Variants in MAPK8IP3 observed in about 807,000 individuals in gnomAD.
MAPK8IP3 encodes C-Jun-amino-terminal kinase-interacting protein 3.
Under a neutral mutation model 157.8 loss-of-function variants are expected in MAPK8IP3, and 49 were observed. The observed-to-expected ratio is 0.31, with a 90% CI of 0.25 to 0.39. The LOEUF (loss-of-function observed/expected upper bound fraction) is 0.39. Among genes scored for constraint, MAPK8IP3 ranks in the 10% least tolerant of loss-of-function variants. The probability of loss-of-function intolerance (pLI) is 1.00; values close to 1 mark genes in which losing one functional copy is unlikely to be tolerated. For missense variants in MAPK8IP3, 1,478 were observed against 1,889.4 expected, an observed-to-expected ratio of 0.78 and a Z score of 4.04; for synonymous variants, 897 against 777.7, an observed-to-expected ratio of 1.15 and a Z score of -2.55.
rs1348250079 is a variant in MAPK8IP3, at chr16:1,767,141, C to A, written c.3089-8C>A. The A allele has an allele frequency of 6.2e-6, 10 of 1,612,856 alleles. No homozygotes were observed. Among genetic ancestry groups the A allele is most frequent in the Non-Finnish European group, 8.5e-6 (10 of 1,179,878 alleles). ...CAGGCCTGAGCAGGTGTCCGGGGCT[C>A]CCTCCAGATGGCCAGTGGGATCTGA... On this transcript the variant is annotated splice_polypyrimidine_tract_variant and splice_region_variant and intron_variant, in intron 25 of 31. Coordinates refer to ENST00000610761, the MANE Select transcript of MAPK8IP3 (RefSeq NM_001318852.2).
intron 8 of MAPK8IP3, among the ~76,000 whole-genome samples, chr16:1,756,066 T>A (rs1291008924): frequency 6.6e-6 from 1 of 151,978 alleles, no homozygotes; most frequent in African/African-American, 2.4e-5. Flanking sequence ...CACCGAGCAC[T>A]GGCGGGTGGT....
intron 28 of MAPK8IP3, 70 bp downstream of exon 28, chr16:1,767,988 T>C: frequency 6.2e-7 from 1 of 1,609,172 alleles, no homozygotes. Flanking sequence ...GGGGTGGCTC[T>C]GCAGGGCCAC....
In MAPK8IP3 at chr16:1,767,670, A is replaced by G; in HGVS notation, c.3344A>G (p.Tyr1115Cys). 1.2e-6 allele frequency: 2 copies of G among 1,612,710 alleles called. No homozygotes were observed. The highest frequency in any genetic ancestry group is 1.7e-6 in the Non-Finnish European group (2 of 1,179,958). Residue 1115 changes from tyrosine (Y) to cysteine (C), a missense_variant, in exon 27 of 32, where the codon TAC (tyrosine) becomes TGC (cysteine). Physicochemically the swap from Tyr to Cys is radical, Grantham distance 194. This residue lies in a region of MAPK8IP3 where 68 missense variants were observed against 125.1 expected (regional missense o/e 0.54). Coordinates refer to ENST00000610761, the MANE Select transcript of MAPK8IP3 (RefSeq NM_001318852.2). Reference sequence around the variant, plus strand: ...CGCCTGGACTCCACCCTGAGGCTCTACCATGCACACACGCACCAGCATCTA... The same window carrying G: ...CGCCTGGACTCCACCCTGAGGCTCTGCCATGCACACACGCACCAGCATCTA... Reference protein sequence around the residue: ...SIRLDSTLRLYHAHTHQHLQD... With the variant: ...SIRLDSTLRLCHAHTHQHLQD...
intron 1 of MAPK8IP3, among the ~76,000 whole-genome samples, chr16:1,719,704 A>G (rs933051766): frequency 4.0e-5 from 6 of 149,642 alleles, no homozygotes; most frequent in Non-Finnish European, 7.4e-5. Flanking sequence ...AAATTAGCCC[A>G]ATGTGGTGGC....
At chr16:1,734,374 C>T (rs574877633) in intron 4 of MAPK8IP3, among the ~76,000 whole-genome samples, 55 of 152,332 alleles carry the variant, frequency 3.6e-4, no homozygotes, top group African/African-American at 1.2e-3. Context: ...GAATCGGTCA[C>T]GCCTGCTGTT....
Position 1,743,614 on chromosome 16 carries a change from ATGGAGAAACCCAGCC to A in MAPK8IP3, c.747+139_747+153del. On this transcript the variant is annotated intron_variant, in intron 5 of 31. Coordinates refer to ENST00000610761, the MANE Select transcript of MAPK8IP3 (RefSeq NM_001318852.2). The surrounding 1 kb of genome is among the most constrained non-coding windows in gnomAD (Gnocchi z 5.6). ...GCCCTCTCCCTTCGTGTGTGGCAGG[ATGGAGAAACCCAGCC>A]AGGGTGTCAGGGGCTCAGGCTGCCC... 6.9e-7 allele frequency: 1 copy of A among 1,450,376 alleles called. No homozygotes were observed. The highest frequency in any genetic ancestry group is 9.0e-7 in the Non-Finnish European group (1 of 1,109,414). The allele number at this position is 1,450,376 out of a possible 1,614,324, so 89.8% of individuals were successfully genotyped here. A position where few individuals can be genotyped will look rare whatever the true frequency, so the allele number is the denominator to read the frequency against.
intron 2 of MAPK8IP3, among the ~76,000 whole-genome samples, chr16:1,725,149 T>TTTATTATTA (rs71145429): frequency 0.021 from 3,034 of 144,442 alleles, 56 homozygotes; most frequent in East Asian, 0.055. Context: ...GCAGAAAGGG[T>TTTATTATTA]TTATTATTAT....
Position 1,764,024 on chromosome 16 carries a change from C to G in MAPK8IP3, c.2026-91C>G, listed in dbSNP as rs2042109917. 14 of 1,324,874 alleles carry G rather than the reference C, an allele frequency of 1.1e-5. No individual in the cohort carries two copies. In the South Asian group the frequency reaches 1.1e-4, roughly 11 times the overall value. 82.1% of individuals were successfully genotyped at this position (1,324,874 alleles called of 1,614,324 possible). A position where few individuals can be genotyped will look rare whatever the true frequency, so the allele number is the denominator to read the frequency against. On this transcript the variant is annotated intron_variant, in intron 17 of 31. Coordinates refer to ENST00000610761, the MANE Select transcript of MAPK8IP3 (RefSeq NM_001318852.2). ...CTCCAGTCTTGAAGTGGCTGTGCCG[C>G]CAGAAGCTGGCAGCCCTACCTGTCT...
At chr16:1,736,821 T>A (rs2039930173) in intron 4 of MAPK8IP3, among the ~76,000 whole-genome samples, 1 of 74,914 alleles carries the variant, frequency 1.3e-5, no homozygotes, top group Non-Finnish European at 2.5e-5. Flanking sequence ...ACCGTCCGTG[T>A]GAGCGTCCGT....
intron 1 of MAPK8IP3, among the ~76,000 whole-genome samples, chr16:1,717,882 C>G (rs969967928): frequency 2.0e-5 from 3 of 151,154 alleles, no homozygotes; most frequent in Non-Finnish European, 2.9e-5. Context: ...GATGGAGTCT[C>G]GCTCTATCGC....
chr16:1,720,072 T>C (rs2038418078), intron 1 of MAPK8IP3, among the ~76,000 whole-genome samples: 1 of 152,208 alleles, frequency 6.6e-6, no homozygotes, highest in Non-Finnish European at 1.5e-5. Context: ...AGATGGAATC[T>C]CGCTCTTGTT....
At chr16:1,728,071 G>T (rs1270598979) in intron 2 of MAPK8IP3, among the ~76,000 whole-genome samples, 2 of 152,228 alleles carry the variant, frequency 1.3e-5, no homozygotes, top group African/African-American at 2.4e-5. Flanking sequence ...CAGAGCTGAG[G>T]TTTGAACACA....
chr16:1,748,576 C>T, intron 7 of MAPK8IP3, 26 bp from the exon 8 acceptor site: 5 of 1,584,956 alleles, frequency 3.2e-6, no homozygotes, highest in Non-Finnish European at 4.3e-6. Flanking sequence ...ACTCTGCTCT[C>T]TCTCCCGACC....
At position 1,766,207 on chromosome 16, in the gene MAPK8IP3, T is replaced by C. The variant is rs1465541958; in HGVS notation, c.2630-13T>C. 2.1e-5 allele frequency: 33 copies of C among 1,604,454 alleles called. No homozygotes were observed. Among genetic ancestry groups the C allele is most frequent in the Non-Finnish European group, 2.4e-5 (28 of 1,174,402 alleles). Reference sequence around the variant, plus strand: ...CGTTTCTGCCCAGCCCAAGCTCACCTCTCCTAACACAGGGGAGGTGGCCAC... The same window carrying C: ...CGTTTCTGCCCAGCCCAAGCTCACCCCTCCTAACACAGGGGAGGTGGCCAC... On this transcript the variant is annotated splice_polypyrimidine_tract_variant and intron_variant, in intron 21 of 31. Transcript: ENST00000610761.
rs1051186014 is a variant in MAPK8IP3, at chr16:1,764,942, C to T, written c.2281-71C>T. 6 of 1,468,820 alleles carry T rather than the reference C, an allele frequency of 4.1e-6. No homozygotes were observed. In the African/African-American group the frequency reaches 7.0e-5, roughly 17 times the overall value. The allele number at this position is 1,468,820 out of a possible 1,614,324, so 91.0% of individuals were successfully genotyped here. ...CTGGATCCTGACAGATTCTGGGAGC[C>T]CCATGGCCCTGTGCTGCCACCGGGT... On this transcript the variant is annotated intron_variant, in intron 19 of 31. Transcript: ENST00000610761.
chr16:1,760,285 T>C, intron 11 of MAPK8IP3, 95 bp from the exon 12 acceptor site: 2 of 1,483,456 alleles, frequency 1.3e-6, no homozygotes, highest in Non-Finnish European at 1.8e-6. Context: ...AGGCTGTGCC[T>C]TCTCCAGGGC....
chr16:1,743,411 G>C lies in MAPK8IP3; in HGVS notation c.682G>C (p.Val228Leu). ...ACGTGCACAGATCGGGGGCAAGCTC[G>C]TGCCTGCGGGGGACCACTGGCACCT... ...TVRAQIGGKL[V>L]PAGDHWHLSD... The change falls in exon 5 of 32, where the codon GTG (valine) becomes CTG (leucine). Residue 228 changes from valine (V) to leucine (L), a missense_variant. Physicochemically the swap from Val to Leu is conservative, Grantham distance 32. Transcript: ENST00000610761. This position sits in a 1 kb window ranked among gnomAD's most constrained non-coding sequence, Gnocchi z 5.6. 1 of 1,609,586 alleles carries C rather than the reference G, an allele frequency of 6.2e-7. No homozygotes were observed. Among genetic ancestry groups the C allele is most frequent in the Non-Finnish European group, 8.5e-7 (1 of 1,178,424 alleles).
intron 6 of MAPK8IP3, among the ~76,000 whole-genome samples, 195 bp downstream of exon 6, chr16:1,747,470 AC>A (rs1402315006): frequency 6.6e-6 from 1 of 152,094 alleles, no homozygotes; most frequent in East Asian, 1.9e-4. Flanking sequence ...GCTTGTAGAC[AC>A]CACCTTCTCC....
At position 1,762,711 on chromosome 16, in the gene MAPK8IP3, G is replaced by A. The variant is rs1296613549; in HGVS notation, c.1707G>A (p.Lys569=). Residue 569 remains lysine (K), a synonymous_variant, in exon 15 of 32, where the codon AAG becomes AAA. Coordinates refer to ENST00000610761, the MANE Select transcript of MAPK8IP3 (RefSeq NM_001318852.2). ...AGCACCCATCCGTCCAGGAGAAGAAGAAGTCGACCATCTGGCAGTTGTAAG... is the reference window on the plus strand; with the variant it reads ...AGCACCCATCCGTCCAGGAGAAGAAAAAGTCGACCATCTGGCAGTTGTAAG... ...SREHPSVQEK[K]KSTIWQFFSR... The A allele has an allele frequency of 8.9e-6, 14 of 1,573,136 alleles. No homozygotes were observed. Among genetic ancestry groups the A allele is most frequent in the South Asian group, 3.5e-5 (3 of 85,338 alleles).
Sources: allele counts gnomAD v4.1 joint callset (sites outside exome capture counted in the v4.1 genomes callset), GRCh38; gene constraint gnomAD v4.1.1; regional missense constraint gnomAD v4.1.1; non-coding constraint Gnocchi (gnomAD v3.1); transcripts MANE v1.5; gene names NCBI Gene and HGNC (gene_info 2026-07-23, HGNC 2026-07-21).